GRIK2: variants seen among roughly 807,000 people sequenced by gnomAD.
GRIK2 encodes glutamate receptor ionotropic, kainate 2.
Under a neutral mutation model 100.3 loss-of-function variants are expected in GRIK2, and 32 were observed. The ratio of observed to expected loss-of-function variants is 0.32; its 90% confidence interval spans 0.24 to 0.43. The LOEUF is 0.43. Ranked by LOEUF, GRIK2 falls within the 20% of genes least tolerant of loss-of-function variation. The probability of loss-of-function intolerance (pLI) is 1.00; values close to 1 mark genes in which losing one functional copy is unlikely to be tolerated. For synonymous variants in GRIK2, 417 were observed against 389.4 expected, an observed-to-expected ratio of 1.07 and a Z score of -0.83; for missense variants, 843 against 1,114.9, an observed-to-expected ratio of 0.76 and a Z score of 3.47.
intron 14 of GRIK2, among the ~76,000 whole-genome samples, chr6:101,972,638 G>A (rs987678579): frequency 1.3e-5 from 2 of 150,380 alleles, no homozygotes; most frequent in Non-Finnish European, 3.0e-5. Flanking sequence ...ATTTGCCAAG[G>A]TCAATGTCAA....
chr6:102,036,042 A>G (rs1224370757), intron 15 of GRIK2, among the ~76,000 whole-genome samples: 1 of 151,460 alleles, frequency 6.6e-6, no homozygotes, highest in Non-Finnish European at 1.5e-5. Context: ...ACTATTTACC[A>G]ATGACATATC....
intron 7 of GRIK2, among the ~76,000 whole-genome samples, chr6:101,782,757 T>G (rs1779175586): frequency 2.0e-5 from 3 of 152,128 alleles, no homozygotes; most frequent in Non-Finnish European, 4.4e-5. Flanking sequence ...GGTAGTTCTA[T>G]TTTTAGTTTA....
At chr6:101,524,204 G>A (rs1463189717) in intron 2 of GRIK2, among the ~76,000 whole-genome samples, 1 of 152,094 alleles carries the variant, frequency 6.6e-6, no homozygotes, top group Non-Finnish European at 1.5e-5. Flanking sequence ...TTGAGAAAGG[G>A]TGTCATAACA....
intron 2 of GRIK2, among the ~76,000 whole-genome samples, chr6:101,446,083 T>A (rs1770358237): frequency 1.3e-5 from 2 of 151,992 alleles, no homozygotes; most frequent in African/African-American, 2.4e-5. Context: ...GTTACCTCTA[T>A]CCACTCAGCA....
At chr6:101,538,989 C>T (rs1775858608) in intron 2 of GRIK2, among the ~76,000 whole-genome samples, 1 of 150,806 alleles carries the variant, frequency 6.6e-6, no homozygotes, top group African/African-American at 2.4e-5. Flanking sequence ...GATATAGTAC[C>T]ACACAAAGGA....
rs368176541 is a variant in GRIK2, at chr6:101,876,484, A to AACAGAC, written c.1525-13153_1525-13152insGACACA. ...ATGGTTTCCTTAGAAAACAAAAACA[A>AACAGAC]ACACACACACACACACACACACACA... On this transcript the variant is annotated intron_variant, in intron 11 of 16. Transcript: ENST00000369134. Among the ~76,000 whole-genome samples the AACAGAC allele has an allele frequency of 3.0e-3, 449 of 148,904 alleles. 1 individual carries two copies. Among genetic ancestry groups the AACAGAC allele is most frequent in the African/African-American group, 0.01 (419 of 40,320 alleles).
At chr6:101,796,473 A>G (rs1332918036) in intron 7 of GRIK2, among the ~76,000 whole-genome samples, 2 of 152,310 alleles carry the variant, frequency 1.3e-5, no homozygotes, top group East Asian at 1.9e-4. Context: ...ACAATTTTAC[A>G]AAGAAGACAA....
intron 7 of GRIK2, among the ~76,000 whole-genome samples, chr6:101,760,726 T>TATATAATTATATATTTAATTATATTTAA (rs1562364928): frequency 0.082 from 6,315 of 76,876 alleles, 684 homozygotes; most frequent in East Asian, 0.22. Context: ...TTATATTTAA[T>TATATAATTATATATTTAATTATATTTAA]TATATAATTA....
intron 7 of GRIK2, among the ~76,000 whole-genome samples, chr6:101,730,684 CA>C (rs1212973028): frequency 2.0e-5 from 3 of 149,360 alleles, no homozygotes; most frequent in Non-Finnish European, 4.5e-5. Flanking sequence ...AGATCATAAG[CA>C]AGAAAAGAGA....
chr6:101,754,627 C>A (rs1777010803), intron 7 of GRIK2, among the ~76,000 whole-genome samples: 1 of 152,150 alleles, frequency 6.6e-6, no homozygotes, highest in Non-Finnish European at 1.5e-5. Context: ...CAATTACTAT[C>A]CATAAAATGT....
intron 9 of GRIK2, among the ~76,000 whole-genome samples, chr6:101,816,233 A>G (rs2128420737): frequency 7.0e-6 from 1 of 142,726 alleles, no homozygotes; most frequent in South Asian, 2.3e-4. Context: ...CTATTTTGCC[A>G]ATTTATATTA....
chr6:101,420,040 T>G (rs908142200), intron 2 of GRIK2, among the ~76,000 whole-genome samples: 2 of 152,128 alleles, frequency 1.3e-5, no homozygotes, highest in African/African-American at 4.8e-5. Context: ...ATAATAACAG[T>G]GAAATTAATA....
intron 10 of GRIK2, among the ~76,000 whole-genome samples, chr6:101,842,195 C>G (rs1446824402): frequency 6.6e-6 from 1 of 152,100 alleles, no homozygotes; most frequent in Non-Finnish European, 1.5e-5. Flanking sequence ...CCCGGACTTT[C>G]TAATATGTTT....
At chr6:101,897,087 T>G (rs1562472370) in intron 12 of GRIK2, among the ~76,000 whole-genome samples, 1 of 151,502 alleles carries the variant, frequency 6.6e-6, no homozygotes, top group African/African-American at 2.4e-5. Context: ...TAAAAAATTT[T>G]TTTAAAGATT....
chr6:101,434,514 G>A (rs1017260880), intron 2 of GRIK2, among the ~76,000 whole-genome samples: 1 of 151,896 alleles, frequency 6.6e-6, no homozygotes, highest in African/African-American at 2.4e-5. Context: ...AGAAGAAGAA[G>A]AAAAATATGT....
At chr6:101,492,478 TA>T (rs558393498) in intron 2 of GRIK2, among the ~76,000 whole-genome samples, 6 of 151,496 alleles carry the variant, frequency 4.0e-5, no homozygotes, top group South Asian at 2.1e-4. Flanking sequence ...CTCATTTTTT[TA>T]AAAAAAAATT....
At chr6:101,672,630 T>C (rs1770527302) in intron 4 of GRIK2, among the ~76,000 whole-genome samples, 1 of 152,164 alleles carries the variant, frequency 6.6e-6, no homozygotes, top group Non-Finnish European at 1.5e-5. Flanking sequence ...GTTTGTTACA[T>C]GGGTAAATTT....
In GRIK2 at chr6:101,873,143, C is replaced by T. The variant is rs150727667; in HGVS notation, c.1524+13650C>T. Among the ~76,000 whole-genome samples, 674 of 151,988 alleles carry T rather than the reference C, an allele frequency of 4.4e-3. 4 individuals are homozygous for T. Among genetic ancestry groups the T allele is most frequent in the Non-Finnish European group, 7.2e-3 (489 of 67,922 alleles). On this transcript the variant is annotated intron_variant, in intron 11 of 16. Coordinates refer to ENST00000369134, the MANE Select transcript of GRIK2 (RefSeq NM_021956.5). ...TAAGTTCTAGGGTACATGTGCACAACGTGCAGGTTTGTTATACATGTATAC... is the reference window on the plus strand; with the variant it reads ...TAAGTTCTAGGGTACATGTGCACAATGTGCAGGTTTGTTATACATGTATAC...
chr6:101,910,334 TTTGGTTTTTTTAAATC>T (rs1285119351), intron 12 of GRIK2, among the ~76,000 whole-genome samples: 1 of 151,206 alleles, frequency 6.6e-6, no homozygotes, highest in Non-Finnish European at 1.5e-5. Flanking sequence ...GGGGATTTTG[TTTGGTTTTTTTAAATC>T]TTGATTTTAA....
Sources: gnomAD v4.1 joint callset for allele counts (sites outside exome capture counted in the v4.1 genomes callset) on GRCh38, gnomAD v4.1.1 for gene constraint, MANE v1.5 for transcripts, NCBI Gene and HGNC (gene_info 2026-07-23, HGNC 2026-07-21) for gene names.